Variants in LRRC2 observed in about 807,000 individuals in gnomAD.
LRRC2 encodes the protein leucine rich repeat containing 2, also known as leucine-rich repeat-containing protein 2.
A neutral mutation model predicts 40.2 loss-of-function variants in LRRC2; 27 were observed. The observed-to-expected ratio is 0.67, with a 90% CI of 0.49 to 0.93. The LOEUF is 0.93. Ranked by LOEUF, LRRC2 falls within the 40% of genes least tolerant of loss-of-function variation. The pLI, the probability that LRRC2 is intolerant of heterozygous loss-of-function variation, is 0.00. For missense variants in LRRC2, 402 were observed against 439.6 expected (o/e 0.91, Z 0.76); for synonymous variants, 147 against 158.9 (o/e 0.92, Z 0.56).
Position 46,551,594 on chromosome 3 carries a change from T to G in LRRC2, c.-3A>C. 1 of 1,607,830 alleles carries G rather than the reference T, an allele frequency of 6.2e-7. No individual in the cohort carries two copies. On this transcript the variant is annotated 5_prime_UTR_variant, in exon 2 of 9. Transcript: ENST00000395905. ...AAGACAACCACTTTATGTCCCATTT[T>G]GGGAGCATGAAATTACCTATTTAAA...
intron 8 of LRRC2, among the ~76,000 whole-genome samples, chr3:46,521,039 C>T (rs1347470290): frequency 6.6e-6 from 1 of 152,188 alleles, no homozygotes; most frequent in African/African-American, 2.4e-5. Context: ...ATTCTCACCA[C>T]CCTATGGGAA....
chr3:46,525,409 C>A (rs547936559), intron 7 of LRRC2, among the ~76,000 whole-genome samples: 1 of 152,056 alleles, frequency 6.6e-6, no homozygotes, highest in Non-Finnish European at 1.5e-5. Context: ...TATCACCATG[C>A]CTGGCTAATT....
intron 4 of LRRC2, among the ~76,000 whole-genome samples, chr3:46,533,795 C>CTTTGTTTGTTTCTTTCTTTCTTTCTTTG (rs1271091101): frequency 7.7e-6 from 1 of 130,362 alleles, no homozygotes; most frequent in East Asian, 2.6e-4. Context: ...TTCTTTCTTT[C>CTTTGTTTGTTTCTTTCTTTCTTTCTTTG]TTTGTTTCTT....
intron 6 of LRRC2, 137 bp downstream of exon 6, chr3:46,529,768 G>C: frequency 1.1e-6 from 1 of 914,688 alleles, no homozygotes. Flanking sequence ...CTCGGAAACT[G>C]ATTTCCTGGA....
Position 46,515,462 on chromosome 3 carries a change from CT to C in LRRC2, c.*3551del, listed in dbSNP as rs1246695919. Reference sequence around the variant, plus strand: ...ACATGTATTCTGCCATGTAAATAACCTTTCCAAATTATGTATCAGTCTATTT... The same window carrying C: ...ACATGTATTCTGCCATGTAAATAACCTTCCAAATTATGTATCAGTCTATTT... On this transcript the variant is annotated 3_prime_UTR_variant, in exon 9 of 9. Transcript: ENST00000395905. 6.6e-6 allele frequency: 1 copy of C among 152,096 alleles called. No individual in the cohort carries two copies. Among genetic ancestry groups the C allele is most frequent in the Non-Finnish European group, 1.5e-5 (1 of 68,016 alleles). 9.4% of individuals were successfully genotyped at this position (152,096 alleles called of 1,614,324 possible).
intron 4 of LRRC2, among the ~76,000 whole-genome samples, chr3:46,533,708 T>TCCTC (rs1704200838): frequency 2.0e-5 from 2 of 98,462 alleles, no homozygotes; most frequent in Non-Finnish European, 4.4e-5. Context: ...ACAGTTTCCT[T>TCCTC]CCTTCCTTCC....
chr3:46,551,386 C>T, intron 2 of LRRC2, 81 bp downstream of exon 2: 1 of 1,505,172 alleles, frequency 6.6e-7, no homozygotes, highest in Non-Finnish European at 8.9e-7. Flanking sequence ...AGAAAAGCAT[C>T]CTCCTCCACA....
chr3:46,543,800 T>TC (rs1407876889), intron 3 of LRRC2, among the ~76,000 whole-genome samples: 1 of 152,024 alleles, frequency 6.6e-6, no homozygotes, highest in Non-Finnish European at 1.5e-5. Context: ...TAATTAACAA[T>TC]CCAGACATGC....
chr3:46,561,574 G>A (rs1276071710), intron 1 of LRRC2, among the ~76,000 whole-genome samples: 1 of 151,922 alleles, frequency 6.6e-6, no homozygotes, highest in Admixed American at 6.6e-5. Flanking sequence ...GCAGGGGAAG[G>A]GGCCGGGGAG....
intron 6 of LRRC2, 90 bp downstream of exon 6, chr3:46,529,815 A>G (rs967770766): frequency 7.5e-7 from 1 of 1,325,012 alleles, no homozygotes; most frequent in African/African-American, 1.5e-5. Flanking sequence ...TCCAAAGAAC[A>G]TTCATGTACT....
intron 2 of LRRC2, among the ~76,000 whole-genome samples, chr3:46,549,148 G>A (rs1348929489): frequency 6.6e-6 from 1 of 152,176 alleles, no homozygotes; most frequent in African/African-American, 2.4e-5. Context: ...ATTACAGGAT[G>A]AGATACCCTA....
chr3:46,538,597 G>A (rs1704315728), intron 4 of LRRC2, among the ~76,000 whole-genome samples: 1 of 152,032 alleles, frequency 6.6e-6, no homozygotes, highest in Non-Finnish European at 1.5e-5. Context: ...TTGTGCCATT[G>A]CACTCCAGCT....
intron 1 of LRRC2, chr3:46,557,569 T>G (rs2107053825): frequency 6.6e-6 from 1 of 152,394 alleles, no homozygotes; most frequent in East Asian, 1.9e-4. Flanking sequence ...GCCTATCCAG[T>G]ATTTTATTTC....
chr3:46,521,810 C>A, intron 7 of LRRC2, 152 bp from the exon 8 acceptor site: 1 of 708,962 alleles, frequency 1.4e-6, no homozygotes, highest in Non-Finnish European at 2.2e-6. Context: ...CAGTGGAATT[C>A]CAGTGTGGAA....
At chr3:46,538,952 G>A (rs1704325265) in intron 4 of LRRC2, 93 bp downstream of exon 4, 1 of 1,351,562 alleles carries the variant, frequency 7.4e-7, no homozygotes, top group Non-Finnish European at 1.0e-6. Flanking sequence ...AAGCTGGAGA[G>A]GAAACACGGT....
chr3:46,532,280 C>T (rs9848648), intron 5 of LRRC2, among the ~76,000 whole-genome samples: 51,638 of 151,954 alleles, frequency 0.34, 8,940 homozygotes, highest in Middle Eastern at 0.49. Context: ...CATTTCTGAA[C>T]TTAAATTCGG....
In LRRC2 at chr3:46,521,905, C is replaced by CAG. The variant is rs774465685; in HGVS notation, c.930-249_930-248dup. On this transcript the variant is annotated intron_variant, in intron 7 of 8. Coordinates refer to ENST00000395905, the MANE Select transcript of LRRC2 (RefSeq NM_024512.5). ...GAAATGAGAGCTCCCTAGTCATAGG[C>CAG]AGAGAGTACAGGAGGCCATGGAGTG... is the stretch of plus-strand genomic sequence containing the variant. Among the ~76,000 whole-genome samples, 25 of 152,284 alleles carry CAG rather than the reference C, an allele frequency of 1.6e-4. No homozygotes were observed. In the South Asian group the frequency reaches 1.9e-3, roughly 11 times the overall value.
At chr3:46,544,484 A>G (rs1704481568) in intron 3 of LRRC2, among the ~76,000 whole-genome samples, 1 of 152,196 alleles carries the variant, frequency 6.6e-6, no homozygotes, top group South Asian at 2.1e-4. Flanking sequence ...ACAAAACAAA[A>G]CAAAAAAGAC....
chr3:46,527,892 C>T (rs1017298983), intron 6 of LRRC2, among the ~76,000 whole-genome samples: 2 of 152,002 alleles, frequency 1.3e-5, no homozygotes, highest in Admixed American at 6.6e-5. Context: ...CCATCATGCC[C>T]GGCTAATTAT....
Sources: gnomAD v4.1 joint callset for allele counts (sites outside exome capture counted in the v4.1 genomes callset) on GRCh38, gnomAD v4.1.1 for gene constraint, MANE v1.5 for transcripts, NCBI Gene and HGNC (gene_info 2026-07-23, HGNC 2026-07-21) for gene names.